DEPDC1B: variants seen among roughly 807,000 people sequenced by gnomAD.
The protein encoded by DEPDC1B is DEP domain-containing protein 1B.
Under a neutral mutation model 66.5 loss-of-function variants are expected in DEPDC1B, and 51 were observed. That is an observed-to-expected ratio of 0.77 (90% confidence interval 0.61 to 0.97). The LOEUF (loss-of-function observed/expected upper bound fraction) is 0.97. Among genes scored for constraint, DEPDC1B ranks in the 50% least tolerant of loss-of-function variants. The probability of loss-of-function intolerance (pLI) is 0.00; values close to 1 mark genes in which losing one functional copy is unlikely to be tolerated. For missense variants in DEPDC1B, 552 were observed against 637.1 expected, an observed-to-expected ratio of 0.87 and a Z score of 1.44; for synonymous variants, 226 against 223.6, an observed-to-expected ratio of 1.01 and a Z score of -0.10.
At chr5:60,699,263 T>C (rs552208950) in intron 1 of DEPDC1B, among the ~76,000 whole-genome samples, 2 of 152,154 alleles carry the variant, frequency 1.3e-5, no homozygotes, top group Admixed American at 6.5e-5. Context: ...GTAATTCCCA[T>C]GTTAAATGTG....
At chr5:60,700,018 C>T (rs1257603182) in intron 1 of DEPDC1B, 28 bp downstream of exon 1, 2 of 1,548,630 alleles carry the variant, frequency 1.3e-6, no homozygotes, top group Non-Finnish European at 1.7e-6. Flanking sequence ...ACCGGGTGCT[C>T]CGCCCAGGCC....
chr5:60,675,911 T>G (rs959469779), intron 2 of DEPDC1B, among the ~76,000 whole-genome samples: 17 of 151,684 alleles, frequency 1.1e-4, no homozygotes, highest in Non-Finnish European at 1.5e-4. Context: ...TTCTTTTTTT[T>G]TTTTTTGTTT....
At chr5:60,632,084 G>A (rs1365257531) in intron 7 of DEPDC1B, among the ~76,000 whole-genome samples, 1 of 152,214 alleles carries the variant, frequency 6.6e-6, no homozygotes, top group Admixed American at 6.5e-5. Context: ...AAGGACCAGT[G>A]GAACAATTTG....
In DEPDC1B at chr5:60,644,759, A is replaced by G. The variant is rs1228800004; in HGVS notation, c.695T>C (p.Leu232Pro). ...YSVSKQGVVILDDKSKELPHW... is the reference protein window; with the variant it reads ...YSVSKQGVVIPDDKSKELPHW... ...TATGCACTTACTTGACTTGTCATCA[A>G]GAATAACAACTCCCTGCTTGCTAAC... The change falls in exon 5 of 11, where the codon CTT (leucine) becomes CCT (proline). Residue 232 changes from leucine to proline, a missense_variant. By Grantham distance (98) the Leu-to-Pro change is moderately conservative (BLOSUM62 -3). Coordinates refer to ENST00000265036, the MANE Select transcript of DEPDC1B (RefSeq NM_018369.3). The G allele has an allele frequency of 6.3e-7, 1 of 1,592,394 alleles. No homozygotes were observed. Among genetic ancestry groups the G allele is most frequent in the East Asian group, 2.3e-5 (1 of 44,244 alleles).
intron 2 of DEPDC1B, among the ~76,000 whole-genome samples, chr5:60,669,954 A>G (rs1753990129): frequency 1.3e-5 from 2 of 152,190 alleles, no homozygotes; most frequent in Admixed American, 1.3e-4. Flanking sequence ...CAACCACTTA[A>G]AAAAGCACAA....
chr5:60,699,566 C>G (rs6449483), intron 1 of DEPDC1B, among the ~76,000 whole-genome samples: 2 of 151,810 alleles, frequency 1.3e-5, no homozygotes, highest in Non-Finnish European at 2.9e-5. Context: ...GCCGGAAATG[C>G]GGCCAGCGCG....
intron 2 of DEPDC1B, among the ~76,000 whole-genome samples, chr5:60,678,182 T>G (rs1554055620): frequency 6.6e-6 from 1 of 152,156 alleles, no homozygotes; most frequent in Non-Finnish European, 1.5e-5. Flanking sequence ...TATACACTTG[T>G]GTATCTACCA....
At chr5:60,667,384 CA>C (rs1383060122) in intron 2 of DEPDC1B, among the ~76,000 whole-genome samples, 15 of 139,074 alleles carry the variant, frequency 1.1e-4, no homozygotes, top group Admixed American at 6.0e-4. Flanking sequence ...TACATATATA[CA>C]AAAAATGGAT....
intron 7 of DEPDC1B, among the ~76,000 whole-genome samples, chr5:60,619,591 A>C (rs1752652788): frequency 6.6e-6 from 1 of 152,246 alleles, no homozygotes; most frequent in South Asian, 2.1e-4. Context: ...AGGGATGTGA[A>C]GGACCTCTTC....
chr5:60,631,103 T>A (rs563640621), intron 7 of DEPDC1B: 1 of 152,214 alleles, frequency 6.6e-6, no homozygotes, highest in African/African-American at 2.4e-5. Context: ...GAACAATTCA[T>A]TGAAGCTCAG....
chr5:60,682,321 C>T (rs1034054236), intron 2 of DEPDC1B, among the ~76,000 whole-genome samples: 4 of 152,104 alleles, frequency 2.6e-5, no homozygotes, highest in Admixed American at 6.5e-5. Flanking sequence ...ACAATGAGAA[C>T]GCATGGACAC....
At chr5:60,638,306 T>A (rs1753106768) in intron 7 of DEPDC1B, among the ~76,000 whole-genome samples, 1 of 152,180 alleles carries the variant, frequency 6.6e-6, no homozygotes, top group East Asian at 1.9e-4. Context: ...ATTTCATGTC[T>A]CAAATTACAA....
chr5:60,641,658 C>A (rs1044934670), intron 6 of DEPDC1B, among the ~76,000 whole-genome samples: 15 of 152,142 alleles, frequency 9.9e-5, no homozygotes, highest in Non-Finnish European at 2.1e-4. Context: ...TTTGCCAGTT[C>A]AGAAATGGGA....
At chr5:60,619,457 C>G (rs377161022) in intron 7 of DEPDC1B, among the ~76,000 whole-genome samples, 2 of 152,164 alleles carry the variant, frequency 1.3e-5, no homozygotes, top group African/African-American at 4.8e-5. Context: ...GATACAAAAT[C>G]AATGTGCAAA....
chr5:60,644,935 C>G, intron 4 of DEPDC1B, 60 bp from the exon 5 acceptor site: 1 of 1,306,896 alleles, frequency 7.7e-7, no homozygotes, highest in South Asian at 1.6e-5. Flanking sequence ...TACTCAAAAA[C>G]CTGGTACTAC....
Position 60,644,736 on chromosome 5 carries a change from T to C in DEPDC1B, c.709+9A>G. The stretch of plus-strand genomic sequence containing the variant: ...TCAATAAGTAACAAAATTATATTTA[T>C]GCACTTACTTGACTTGTCATCAAGA... On this transcript the variant is annotated intron_variant, in intron 5 of 10. Coordinates refer to ENST00000265036, the MANE Select transcript of DEPDC1B (RefSeq NM_018369.3). The C allele has an allele frequency of 6.3e-7, 1 of 1,582,456 alleles. No homozygotes were observed. Among genetic ancestry groups the C allele is most frequent in the Non-Finnish European group, 8.6e-7 (1 of 1,166,724 alleles).
intron 1 of DEPDC1B, among the ~76,000 whole-genome samples, chr5:60,691,514 T>C (rs1754545035): frequency 6.6e-6 from 1 of 152,176 alleles, no homozygotes; most frequent in South Asian, 2.1e-4. Flanking sequence ...CAAATTAAGT[T>C]AGTCCAAATT....
chr5:60,685,455 A>G (rs1236876240), intron 2 of DEPDC1B, among the ~76,000 whole-genome samples: 1 of 152,132 alleles, frequency 6.6e-6, no homozygotes, highest in African/African-American at 2.4e-5. Flanking sequence ...GAGAAACTGG[A>G]GGAAAAAATA....
chr5:60,647,612 G>T, intron 2 of DEPDC1B, 79 bp from the exon 3 acceptor site: 1 of 1,481,064 alleles, frequency 6.8e-7, no homozygotes, highest in African/African-American at 1.4e-5. Flanking sequence ...CCACTTTGGT[G>T]TATCTGAAAA....
Sources: gnomAD v4.1 joint callset for allele counts (sites outside exome capture counted in the v4.1 genomes callset) on GRCh38, gnomAD v4.1.1 for gene constraint, MANE v1.5 for transcripts, NCBI Gene and HGNC (gene_info 2026-07-23, HGNC 2026-07-21) for gene names.